Variants in PARD3B observed in about 807,000 individuals in gnomAD.
The protein encoded by PARD3B is par-3 family cell polarity regulator beta, also known as partitioning defective 3 homolog B.
A neutral mutation model predicts 130.2 loss-of-function variants in PARD3B; 103 were observed. That is an observed-to-expected ratio of 0.79 (90% CI 0.67 to 0.93). The LOEUF is 0.93. Among genes scored for constraint, PARD3B ranks in the 40% least tolerant of loss-of-function variants. The probability of loss-of-function intolerance (pLI) is 0.00; values close to 1 mark genes in which losing one functional copy is unlikely to be tolerated. For synonymous variants in PARD3B, 583 were observed against 553.2 expected (o/e 1.05, Z -0.76); for missense variants, 1,609 against 1,499.2 (o/e 1.07, Z -1.21).
intron 2 of PARD3B, among the ~76,000 whole-genome samples, chr2:204,787,651 C>G (rs1055107997): frequency 6.6e-6 from 1 of 152,162 alleles, no homozygotes; most frequent in Non-Finnish European, 1.5e-5. Context: ...GTTCAGGTAT[C>G]AGAAATTTAG....
chr2:205,313,639 C>T (rs1316774343), intron 18 of PARD3B, among the ~76,000 whole-genome samples: 1 of 152,184 alleles, frequency 6.6e-6, no homozygotes, highest in Non-Finnish European at 1.5e-5. Flanking sequence ...TTCAAACTCT[C>T]TTCTCCTAAT....
intron 2 of PARD3B, among the ~76,000 whole-genome samples, chr2:204,821,704 TA>T (rs965211843): frequency 6.0e-5 from 9 of 150,466 alleles, no homozygotes; most frequent in African/African-American, 1.2e-4. Flanking sequence ...AATAATAAAA[TA>T]AAAAAAATTA....
chr2:205,163,328 G>T (rs1157081219), intron 11 of PARD3B, among the ~76,000 whole-genome samples: 1 of 152,182 alleles, frequency 6.6e-6, no homozygotes, highest in Non-Finnish European at 1.5e-5. Context: ...ATTCTCTAGA[G>T]AATTAATTAG....
rs1417080668 is a variant in PARD3B, at chr2:205,078,729, T to G, written c.505-25697T>G. Among the ~76,000 whole-genome samples, 1 of 152,204 alleles carries G rather than the reference T, an allele frequency of 6.6e-6. No individual in the cohort carries two copies. The highest frequency in any genetic ancestry group is 1.5e-5 in the Non-Finnish European group (1 of 68,034). The stretch of plus-strand genomic sequence containing the variant: ...ATCATAGCGTGCAGCAGACATTGTG[T>G]GACTTCTGAGACTAGTTCAGAAAAG... On this transcript the variant is annotated intron_variant, in intron 4 of 22. Transcript: ENST00000406610. This position sits in a 1 kb window ranked among gnomAD's most constrained non-coding sequence, Gnocchi z 4.0.
At chr2:205,357,206 T>C (rs2105866818) in intron 18 of PARD3B, among the ~76,000 whole-genome samples, 1 of 152,328 alleles carries the variant, frequency 6.6e-6, no homozygotes, top group Admixed American at 6.5e-5. Flanking sequence ...GGACATTTTT[T>C]CCTACTTAAT....
chr2:205,465,512 T>A (rs1414230401), intron 20 of PARD3B, among the ~76,000 whole-genome samples: 1 of 152,214 alleles, frequency 6.6e-6, no homozygotes, highest in Admixed American at 6.5e-5. Context: ...TTTTTTCCCC[T>A]ATGTGTGTAA....
chr2:205,205,886 G>A (rs2037265655), intron 15 of PARD3B, among the ~76,000 whole-genome samples: 1 of 152,044 alleles, frequency 6.6e-6, no homozygotes, highest in Non-Finnish European at 1.5e-5. Flanking sequence ...ATGTTCTTCA[G>A]GGATATTGGC....
At chr2:204,823,939 CAA>C (rs5837938) in intron 2 of PARD3B, among the ~76,000 whole-genome samples, 6 of 109,032 alleles carry the variant, frequency 5.5e-5, no homozygotes, top group Non-Finnish European at 4.1e-5. Context: ...GACTCAGTCT[CAA>C]AAAAAAAAAA....
intron 2 of PARD3B, among the ~76,000 whole-genome samples, chr2:204,929,427 A>G (rs1015264926): frequency 6.6e-6 from 1 of 152,158 alleles, no homozygotes; most frequent in East Asian, 1.9e-4. Context: ...ACGTCTTAAC[A>G]TTACTATCTT....
intron 11 of PARD3B, 133 bp downstream of exon 11, chr2:205,159,040 T>C (rs2034354486): frequency 3.2e-6 from 3 of 924,958 alleles, no homozygotes; most frequent in Non-Finnish European, 4.9e-6. Flanking sequence ...ACAAAAAATA[T>C]ATGTGTGAAC....
intron 1 of PARD3B, among the ~76,000 whole-genome samples, chr2:204,548,152 G>A (rs188645709): frequency 5.1e-4 from 78 of 151,960 alleles, no homozygotes; most frequent in Non-Finnish European, 8.5e-4. Context: ...ATATTAAATC[G>A]TATTCATAAT....
At chr2:204,811,122 T>C (rs966940202) in intron 2 of PARD3B, among the ~76,000 whole-genome samples, 1 of 152,160 alleles carries the variant, frequency 6.6e-6, no homozygotes, top group Non-Finnish European at 1.5e-5. Context: ...TGGTCTCTGA[T>C]AGCTGTTTTT....
rs1194070457 is a variant in PARD3B at position 204,689,417 on chromosome 2, T to C, written c.222+3135T>C. ...GGAATATTGCATCTTATGATAACTA[T>C]TTGTATAAAATGTTGTGCTGAAACT... On this transcript the variant is annotated intron_variant, in intron 2 of 22. Transcript: ENST00000406610. The surrounding 1 kb of genome is among the most constrained non-coding windows in gnomAD (Gnocchi z 5.2). Among the ~76,000 whole-genome samples, 2 of 152,190 alleles carry C rather than the reference T, an allele frequency of 1.3e-5. No homozygotes were observed. Among genetic ancestry groups the C allele is most frequent in the East Asian group, 3.9e-4 (2 of 5,192 alleles).
intron 1 of PARD3B, among the ~76,000 whole-genome samples, chr2:204,599,364 G>A (rs1208870187): frequency 6.6e-6 from 1 of 151,632 alleles, no homozygotes; most frequent in African/African-American, 2.4e-5. Flanking sequence ...CCTGCTTCTA[G>A]TATCCTCTGT....
At chr2:205,267,659 A>G (rs1465727303) in intron 16 of PARD3B, among the ~76,000 whole-genome samples, 4 of 152,182 alleles carry the variant, frequency 2.6e-5, no homozygotes, top group Non-Finnish European at 5.9e-5. Flanking sequence ...CAGTCCTATG[A>G]GGTGACTTTA....
chr2:205,320,962 A>G (rs567661097), intron 18 of PARD3B, among the ~76,000 whole-genome samples: 1 of 152,322 alleles, frequency 6.6e-6, no homozygotes, highest in Admixed American at 6.5e-5. Context: ...ACATACACTC[A>G]GGGTTTCTAG....
chr2:204,611,351 G>GA (rs2033915222), intron 1 of PARD3B, among the ~76,000 whole-genome samples: 1 of 152,146 alleles, frequency 6.6e-6, no homozygotes, highest in Admixed American at 6.5e-5. Flanking sequence ...CCCTGTCTAA[G>GA]AAAGTGGGGA....
At chr2:205,260,801 C>G (rs2040274527) in intron 16 of PARD3B, among the ~76,000 whole-genome samples, 1 of 152,020 alleles carries the variant, frequency 6.6e-6, no homozygotes, top group African/African-American at 2.4e-5. Flanking sequence ...TTTTCTTAGA[C>G]TGGCTTTGCT....
rs539771957 is a variant in PARD3B at position 204,736,524 on chromosome 2, T to C, written c.222+50242T>C. Among the ~76,000 whole-genome samples the C allele has an allele frequency of 1.3e-4, 20 of 152,268 alleles. No individual in the cohort carries two copies. The East Asian group carries it at 2.7e-3, about 21-fold the overall frequency. On this transcript the variant is annotated intron_variant, in intron 2 of 22. Coordinates refer to ENST00000406610, the MANE Select transcript of PARD3B (RefSeq NM_001302769.2). ...CTTCCACTAGTGAGGACATACAGTT[T>C]TTGGTTTTAGGTTTTCTACTCCTGT...
Sources: gnomAD v4.1 joint callset for allele counts (sites outside exome capture counted in the v4.1 genomes callset) on GRCh38, gnomAD v4.1.1 for gene constraint, Gnocchi (gnomAD v3.1) non-coding constraint, MANE v1.5 for transcripts, NCBI Gene and HGNC (gene_info 2026-07-23, HGNC 2026-07-21) for gene names.